The following SIM1 variants were observed in gnomAD, a reference collection of about 807,000 sequenced individuals.
The protein encoded by SIM1 is single-minded homolog 1.
SIM1 carries 18 observed loss-of-function variants against 78.2 expected under a neutral mutation model. The ratio of observed to expected loss-of-function variants is 0.23; its 90% CI spans 0.16 to 0.34. The LOEUF (loss-of-function observed/expected upper bound fraction) is 0.34, where lower values mean the gene tolerates loss of function less well. Ranked by LOEUF, SIM1 falls within the 10% of genes least tolerant of loss-of-function variation. The probability of loss-of-function intolerance (pLI) is 1.00; values close to 1 mark genes in which losing one functional copy is unlikely to be tolerated. For synonymous variants in SIM1, 417 were observed against 385.2 expected, an observed-to-expected ratio of 1.08 and a Z score of -0.97; for missense variants, 939 against 975.1, an observed-to-expected ratio of 0.96 and a Z score of 0.49.
At chr6:100,428,611 G>A (rs1771799469) in intron 9 of SIM1, among the ~76,000 whole-genome samples, 3 of 143,384 alleles carry the variant, frequency 2.1e-5, no homozygotes, top group South Asian at 2.1e-4. Flanking sequence ...TAAACTGGTA[G>A]TGTTTATCAA....
intron 10 of SIM1, among the ~76,000 whole-genome samples, chr6:100,402,316 A>G (rs1200765904): frequency 6.6e-6 from 1 of 152,134 alleles, no homozygotes; most frequent in Non-Finnish European, 1.5e-5. Context: ...AATATTCCCA[A>G]CTGCAGAAAG....
At chr6:100,453,733 A>C in intron 3 of SIM1, 29 bp downstream of exon 3, 1 of 1,565,774 alleles carries the variant, frequency 6.4e-7, no homozygotes, top group South Asian at 1.1e-5. Context: ...CTCAAAGCTT[A>C]TGTGTTGCCG....
intron 11 of SIM1, among the ~76,000 whole-genome samples, chr6:100,392,099 G>C (rs574236894): frequency 6.6e-6 from 1 of 152,100 alleles, no homozygotes; most frequent in Non-Finnish European, 1.5e-5. Flanking sequence ...GCTTGAACCC[G>C]GGAGGCAGAG....
intron 8 of SIM1, 139 bp from the exon 9 acceptor site, chr6:100,447,554 A>C: frequency 1.1e-6 from 1 of 935,162 alleles, no homozygotes; most frequent in Non-Finnish European, 1.6e-6. Flanking sequence ...GAGAGACGAC[A>C]GGCAAATTCC....
intron 9 of SIM1, among the ~76,000 whole-genome samples, chr6:100,432,820 A>G (rs1847912): frequency 0.34 from 52,198 of 152,004 alleles, 10,494 homozygotes; most frequent in African/African-American, 0.55. Flanking sequence ...AACTGCTTAC[A>G]TGACATTTCC....
In SIM1 at chr6:100,412,620, G is replaced by A. The variant is rs1186003356; in HGVS notation, c.1167+8170C>T. ...GAAAGAAAGAAAGAAAGGAAAGAAA[G>A]AAGGAAAGAAAGAAAGAAAAGAAAG... On this transcript the variant is annotated intron_variant, in intron 10 of 11. Transcript: ENST00000369208. Among the ~76,000 whole-genome samples the A allele has an allele frequency of 5.8e-5, 5 of 86,674 alleles. 1 individual carries two copies. Among genetic ancestry groups the A allele is most frequent in the Non-Finnish European group, 1.2e-4 (5 of 41,626 alleles). The allele number at this position is 86,674 out of a possible 152,430, so 56.9% of individuals were successfully genotyped here. A position where few individuals can be genotyped will look rare whatever the true frequency, so the allele number is the denominator to read the frequency against.
rs1356368677 is a variant in SIM1 at position 100,385,065 on chromosome 6, A to C, written c.*5296T>G. Reference sequence around the variant, plus strand: ...CCAAAAAATTCCTCACATAATAAATACATTTTATGCACATTAACTTCGAAT... The same window carrying C: ...CCAAAAAATTCCTCACATAATAAATCCATTTTATGCACATTAACTTCGAAT... On this transcript the variant is annotated 3_prime_UTR_variant, in exon 12 of 12. Transcript: ENST00000369208. The C allele has an allele frequency of 6.6e-6, 1 of 152,064 alleles. No homozygotes were observed. Among genetic ancestry groups the C allele is most frequent in the Non-Finnish European group, 1.5e-5 (1 of 67,968 alleles). 9.4% of individuals were successfully genotyped at this position (152,064 alleles called of 1,614,324 possible).
chr6:100,428,272 A>G (rs887704637), intron 9 of SIM1, among the ~76,000 whole-genome samples: 2 of 152,220 alleles, frequency 1.3e-5, no homozygotes. Flanking sequence ...ATCCTCAACC[A>G]TTTATTTGGA....
chr6:100,437,682 G>T lies in SIM1; in HGVS notation c.998+9586C>A, dbSNP rs562395218. Reference sequence around the variant, plus strand: ...ACTGTGCCTCCCTGGCACGAAGAAGGTGCTCCATAAATGCTGACGTTTCTC... The same window carrying T: ...ACTGTGCCTCCCTGGCACGAAGAAGTTGCTCCATAAATGCTGACGTTTCTC... On this transcript the variant is annotated intron_variant, in intron 9 of 11. Transcript: ENST00000369208. Among the ~76,000 whole-genome samples the T allele has an allele frequency of 3.9e-5, 6 of 152,264 alleles. No individual in the cohort carries two copies. The South Asian group carries it at 1.2e-3, about 32-fold the overall frequency.
At position 100,448,597 on chromosome 6, in the gene SIM1, C is replaced by T. The variant is rs764028695; in HGVS notation, c.625G>A (p.Gly209Ser). ...SPFDGCYQNV[G>S]LVAVGHSLPP... ...AGCGAGTGGCCCACGGCCACCAGGC[C>T]CACGTTTTGGTAGCAGCCGTCGAAG... Residue 209 changes from glycine to serine, a missense_variant, in exon 7 of 12, where the codon GGC (glycine) becomes AGC (serine). By Grantham distance (56) the Gly-to-Ser change is moderately conservative (BLOSUM62 0). This residue lies in a region of SIM1 where 187 missense variants were observed against 191.6 expected (regional missense o/e 0.98). Coordinates refer to ENST00000369208, the MANE Select transcript of SIM1 (RefSeq NM_005068.3). The T allele has an allele frequency of 6.2e-6, 10 of 1,614,002 alleles. No homozygotes were observed. The highest frequency in any genetic ancestry group is 8.5e-6 in the Non-Finnish European group (10 of 1,180,036).
intron 4 of SIM1, 134 bp downstream of exon 4, chr6:100,450,133 A>G: frequency 1.4e-6 from 1 of 734,034 alleles, no homozygotes; most frequent in Non-Finnish European, 2.4e-6. Flanking sequence ...ACTATTTAAG[A>G]GTCTTCCTGC....
chr6:100,400,299 A>G (rs1407138903), intron 10 of SIM1, among the ~76,000 whole-genome samples: 3 of 152,044 alleles, frequency 2.0e-5, no homozygotes, highest in African/African-American at 7.2e-5. Context: ...ACTGATAATA[A>G]AGAAGAAAGC....
chr6:100,461,049 C>T (rs1772826755), intron 2 of SIM1, among the ~76,000 whole-genome samples: 1 of 145,886 alleles, frequency 6.9e-6, no homozygotes, highest in Non-Finnish European at 1.5e-5. Flanking sequence ...CACTCACCCA[C>T]AGAAGGGAGA....
chr6:100,433,785 C>T (rs758452434), intron 9 of SIM1, among the ~76,000 whole-genome samples: 1 of 117,236 alleles, frequency 8.5e-6, no homozygotes, highest in African/African-American at 3.3e-5. Flanking sequence ...ATATTTTTTA[C>T]ATATACATAT....
intron 9 of SIM1, among the ~76,000 whole-genome samples, chr6:100,442,778 T>A (rs3798491): frequency 0.48 from 72,463 of 151,822 alleles, 17,924 homozygotes; most frequent in South Asian, 0.65. Flanking sequence ...TAATAATATA[T>A]CACTGGTCTT....
intron 9 of SIM1, among the ~76,000 whole-genome samples, chr6:100,425,187 T>C (rs1230038284): frequency 6.6e-6 from 1 of 152,202 alleles, no homozygotes; most frequent in East Asian, 1.9e-4. Flanking sequence ...ATACAAGAAG[T>C]TCCTTTTACC....
intron 9 of SIM1, among the ~76,000 whole-genome samples, chr6:100,432,546 GGC>G (rs1467269230): frequency 6.6e-6 from 1 of 151,928 alleles, no homozygotes; most frequent in Non-Finnish European, 1.5e-5. Context: ...CTTTCCCCAA[GGC>G]GTACCTCACT....
At chr6:100,396,993 T>C (rs1194848230) in intron 10 of SIM1, among the ~76,000 whole-genome samples, 4 of 152,316 alleles carry the variant, frequency 2.6e-5, no homozygotes, top group Admixed American at 6.5e-5. Flanking sequence ...TCCTTTTTAG[T>C]TTTGAAATGT....
intron 10 of SIM1, among the ~76,000 whole-genome samples, chr6:100,399,997 G>A (rs11966478): frequency 0.011 from 1,711 of 151,978 alleles, 48 homozygotes; most frequent in African/African-American, 0.039. Context: ...TTTAAAAAAA[G>A]CATTAAATAA....
Sources: gnomAD v4.1 joint callset for allele counts (sites outside exome capture counted in the v4.1 genomes callset) on GRCh38, gnomAD v4.1.1 for gene constraint, gnomAD v4.1.1 regional missense constraint, MANE v1.5 for transcripts, NCBI Gene and HGNC (gene_info 2026-07-23, HGNC 2026-07-21) for gene names.